ACSF3: variants seen among roughly 807,000 people sequenced by gnomAD.
ACSF3 encodes the protein acyl-CoA synthetase family member 3.
A neutral mutation model predicts 53.2 loss-of-function variants in ACSF3; 78 were observed. The observed-to-expected ratio is 1.47, with a 90% CI of 1.22 to 1.77. The LOEUF (loss-of-function observed/expected upper bound fraction) is 1.77, where lower values mean the gene tolerates loss of function less well. Among genes scored for constraint, ACSF3 ranks in the 40% most tolerant of loss-of-function variants. ACSF3 has a pLI of 0.00. For synonymous variants in ACSF3, 414 were observed against 333.1 expected (o/e 1.24, Z -2.65); for missense variants, 937 against 771.1 (o/e 1.22, Z -2.55).
At chr16:89,099,791 G>C (rs1269274752) in intron 2 of ACSF3, among the ~76,000 whole-genome samples, 1 of 151,268 alleles carries the variant, frequency 6.6e-6, no homozygotes, top group East Asian at 1.9e-4. Flanking sequence ...TAGATAGATA[G>C]ATAGATAGAC....
chr16:89,154,210 C>A lies in ACSF3; in HGVS notation c.*3C>A. 6.2e-7 allele frequency: 1 copy of A among 1,612,942 alleles called. No individual in the cohort carries two copies. Reference sequence around the variant, plus strand: ...TCAGGCACTTCCACCCCTCATGACCCGGCAGACTGGGACTGCGGGTCTGGT... The same window carrying A: ...TCAGGCACTTCCACCCCTCATGACCAGGCAGACTGGGACTGCGGGTCTGGT... On this transcript the variant is annotated 3_prime_UTR_variant, in exon 11 of 11. Coordinates refer to ENST00000614302, the MANE Select transcript of ACSF3 (RefSeq NM_001243279.3).
chr16:89,107,381 C>A (rs1567694570), intron 4 of ACSF3, among the ~76,000 whole-genome samples: 1 of 152,126 alleles, frequency 6.6e-6, no homozygotes, highest in East Asian at 1.9e-4. Context: ...GCCTCAGCAC[C>A]ATCCTGCTAC....
chr16:89,123,984 G>T (rs998154393), intron 7 of ACSF3, among the ~76,000 whole-genome samples: 44 of 151,190 alleles, frequency 2.9e-4, no homozygotes, highest in Middle Eastern at 3.4e-3. Context: ...GTACGCATGG[G>T]TATCACATGC....
At position 89,111,104 on chromosome 16, in the gene ACSF3, C is replaced by T. The variant is rs150013729; in HGVS notation, c.823-988C>T. On this transcript the variant is annotated intron_variant, in intron 4 of 10. Transcript: ENST00000614302. ...CGTTGTTCATCTTTTCTTTGAAATT[C>T]CTTAATCTGCTTATTGCAGTGATTT... Among the ~76,000 whole-genome samples the T allele has an allele frequency of 9.0e-3, 1,368 of 152,266 alleles. 14 individuals carry two copies. The highest frequency in any genetic ancestry group is 0.017 in the Middle Eastern group (5 of 294).
At chr16:89,114,871 G>C in intron 6 of ACSF3, 1 of 355,174 alleles carries the variant, frequency 2.8e-6, no homozygotes, top group Non-Finnish European at 5.5e-6. Flanking sequence ...CTGGAGTCCG[G>C]GTGCCACACA....
intron 7 of ACSF3, among the ~76,000 whole-genome samples, chr16:89,123,369 C>G (rs1267060184): frequency 6.6e-6 from 1 of 152,212 alleles, no homozygotes; most frequent in African/African-American, 2.4e-5. Context: ...CCACCCCACG[C>G]TCACACTCGC....
chr16:89,102,608 C>T lies in ACSF3; in HGVS notation c.671C>T (p.Thr224Ile), dbSNP rs775624630. The change falls in exon 4 of 11, where the codon ACC (threonine) becomes ATC (isoleucine). Residue 224 changes from threonine (T) to isoleucine (I), a missense_variant. Thr to Ile is a moderately conservative substitution (Grantham distance 89, BLOSUM62 -1). Transcript: ENST00000614302. ...CTGTGCTCTCGTCCCCTGCAGGTGA[C>T]CGGGCTGGTCCACAAGTGGGCATGG... ...STHQNIRAVV[T>I]GLVHKWAWTK... 1.2e-6 allele frequency: 2 copies of T among 1,613,740 alleles called. No individual in the cohort carries two copies. The highest frequency in any genetic ancestry group is 3.3e-5 in the Admixed American group (2 of 60,030).
chr16:89,098,914 A>G (rs2151396380), intron 2 of ACSF3, among the ~76,000 whole-genome samples, 151 bp downstream of exon 2: 1 of 152,382 alleles, frequency 6.6e-6, no homozygotes, highest in East Asian at 1.9e-4. Flanking sequence ...TGTCAAAATA[A>G]TACTTGTTCA....
At chr16:89,108,852 T>C (rs1406860775) in intron 4 of ACSF3, among the ~76,000 whole-genome samples, 2 of 152,198 alleles carry the variant, frequency 1.3e-5, no homozygotes, top group African/African-American at 4.8e-5. Context: ...TACATATAAA[T>C]CTCTGTAGAC....
chr16:89,145,931 T>TCC lies in ACSF3; in HGVS notation c.1502-6_1502-5dup. On this transcript the variant is annotated splice_polypyrimidine_tract_variant and splice_region_variant and intron_variant, in intron 9 of 10. Coordinates refer to ENST00000614302, the MANE Select transcript of ACSF3 (RefSeq NM_001243279.3). Reference sequence around the variant, plus strand: ...CCCATGTTCTCAAACTGTTCTTCTATCCGCAGATGTGGCTGTGATTGGAGT... The same window carrying TCC: ...CCCATGTTCTCAAACTGTTCTTCTATCCCCGCAGATGTGGCTGTGATTGGAGT... The TCC allele has an allele frequency of 6.2e-7, 1 of 1,612,758 alleles. No individual in the cohort carries two copies. Among genetic ancestry groups the TCC allele is most frequent in the Non-Finnish European group, 8.5e-7 (1 of 1,178,782 alleles).
chr16:89,118,351 C>T (rs943844619), intron 6 of ACSF3, among the ~76,000 whole-genome samples: 8 of 149,530 alleles, frequency 5.4e-5, no homozygotes, highest in Admixed American at 4.7e-4. Flanking sequence ...AGTAAAGTCA[C>T]CTCAGCATTA....
In ACSF3 at chr16:89,138,171, GCCCACAGCCTCTCAGCCT is replaced by G. The variant is rs1299809048; in HGVS notation, c.1366+4923_1366+4940del. ...GGGGACCGGCAGTGTCGTGGTCCCGGCCCACAGCCTCTCAGCCTCCCACAGCCTCTCCCTGTGGTAACG... is the reference window on the plus strand; with the variant it reads ...GGGGACCGGCAGTGTCGTGGTCCCGGCCCACAGCCTCTCCCTGTGGTAACG... On this transcript the variant is annotated intron_variant, in intron 8 of 10. Coordinates refer to ENST00000614302, the MANE Select transcript of ACSF3 (RefSeq NM_001243279.3). 4.6e-5 allele frequency among the ~76,000 whole-genome samples: 7 copies of G among 152,170 alleles called. No homozygotes were observed. The South Asian group carries it at 1.0e-3, about 23-fold the overall frequency.
Position 89,115,755 on chromosome 16 carries a change from G to C in ACSF3, c.1126+1268G>C, listed in dbSNP as rs191075060. Among the ~76,000 whole-genome samples the C allele has an allele frequency of 5.3e-5, 8 of 152,350 alleles. No individual in the cohort carries two copies. In the East Asian group the frequency reaches 1.3e-3, roughly 26 times the overall value. ...TCACGAGCACCTGCTGCTCCAGCGGGCGGTGGTGGTGTCTCGTTGAGTTCA... is the reference window on the plus strand; with the variant it reads ...TCACGAGCACCTGCTGCTCCAGCGGCCGGTGGTGGTGTCTCGTTGAGTTCA... On this transcript the variant is annotated intron_variant, in intron 6 of 10. Coordinates refer to ENST00000614302, the MANE Select transcript of ACSF3 (RefSeq NM_001243279.3).
At chr16:89,110,498 T>C (rs1976556919) in intron 4 of ACSF3, among the ~76,000 whole-genome samples, 1 of 152,252 alleles carries the variant, frequency 6.6e-6, no homozygotes, top group African/African-American at 2.4e-5. Context: ...GGACTCTCCA[T>C]TGTGTTTTGT....
intron 7 of ACSF3, among the ~76,000 whole-genome samples, chr16:89,130,587 T>C (rs1466853504): frequency 1.3e-5 from 2 of 152,044 alleles, no homozygotes; most frequent in African/African-American, 2.4e-5. Flanking sequence ...AAAATACTAC[T>C]AATAATATAA....
chr16:89,095,025 T>C (rs573418313), intron 1 of ACSF3, among the ~76,000 whole-genome samples: 2 of 152,362 alleles, frequency 1.3e-5, no homozygotes, highest in South Asian at 4.1e-4. Flanking sequence ...AGTTGTTGCT[T>C]TCCCATCCTG....
intron 6 of ACSF3, among the ~76,000 whole-genome samples, chr16:89,116,053 C>T (rs551981851): frequency 6.6e-6 from 1 of 152,230 alleles, no homozygotes; most frequent in East Asian, 1.9e-4. Flanking sequence ...CTTGCGTAGC[C>T]CAAAGTCACA....
At chr16:89,124,010 A>G (rs1282423056) in intron 7 of ACSF3, among the ~76,000 whole-genome samples, 1 of 75,446 alleles carries the variant, frequency 1.3e-5, no homozygotes, top group Admixed American at 1.5e-4. Flanking sequence ...ACACACAGGT[A>G]TCACACGCAC....
rs1436170905 is a variant in ACSF3, at chr16:89,100,924, G to C, written c.243G>C (p.Glu81Asp). Residue 81 changes from glutamate to aspartate, a missense_variant, in exon 3 of 11, where the codon GAG becomes GAC. Coordinates refer to ENST00000614302, the MANE Select transcript of ACSF3 (RefSeq NM_001243279.3). ...LYSRSLRLSQ[E>D]ICRLCGCVGG... ...CCCGCAGCCTTCGCCTGTCCCAGGAGATCTGCAGGCTCTGCGGGTGTGTCG... is the reference window on the plus strand; with the variant it reads ...CCCGCAGCCTTCGCCTGTCCCAGGACATCTGCAGGCTCTGCGGGTGTGTCG... 1 of 1,613,888 alleles carries C rather than the reference G, an allele frequency of 6.2e-7. No homozygotes were observed. Among genetic ancestry groups the C allele is most frequent in the Non-Finnish European group, 8.5e-7 (1 of 1,180,040 alleles).
Sources: gnomAD v4.1 joint callset for allele counts (sites outside exome capture counted in the v4.1 genomes callset) on GRCh38, gnomAD v4.1.1 for gene constraint, MANE v1.5 for transcripts, NCBI Gene and HGNC (gene_info 2026-07-23, HGNC 2026-07-21) for gene names.